Variants in CACNB2 observed in about 807,000 individuals in gnomAD.
CACNB2 encodes voltage-dependent L-type calcium channel subunit beta-2.
Under a neutral mutation model 73.3 loss-of-function variants are expected in CACNB2, and 42 were observed. The observed-to-expected ratio is 0.57, with a 90% confidence interval of 0.45 to 0.74. CACNB2 has a LOEUF of 0.74. Ranked by LOEUF, CACNB2 falls within the 30% of genes least tolerant of loss-of-function variation. The pLI is 0.00. For synonymous variants in CACNB2, 348 were observed against 310.3 expected (o/e 1.12, Z -1.28); for missense variants, 940 against 853.0 (o/e 1.10, Z -1.27).
chr10:18,447,033 C>G (rs1314420770), intron 3 of CACNB2, among the ~76,000 whole-genome samples: 3 of 151,488 alleles, frequency 2.0e-5, no homozygotes, highest in African/African-American at 7.3e-5. Context: ...GTACTCCACC[C>G]TGGGTGACAG....
chr10:18,413,884 A>G (rs1354030749), intron 3 of CACNB2, among the ~76,000 whole-genome samples: 6 of 152,260 alleles, frequency 3.9e-5, no homozygotes, highest in Non-Finnish European at 8.8e-5. Context: ...TGATGGGCAC[A>G]GGCAACTGGG....
rs71507267 is a variant in CACNB2 at position 18,407,109 on chromosome 10, C to CTTTTTTTTTTTTTTTTTTTTTTTTTTT, written c.333+5071_333+5097dup. 4.5e-4 allele frequency among the ~76,000 whole-genome samples: 16 copies of CTTTTTTTTTTTTTTTTTTTTTTTTTTT among 35,614 alleles called. 6 individuals are homozygous for CTTTTTTTTTTTTTTTTTTTTTTTTTTT. The highest frequency in any genetic ancestry group is 1.7e-3 in the East Asian group (2 of 1,152). 23.4% of individuals were successfully genotyped at this position (35,614 alleles called of 152,430 possible). ...CTAAAGTCCAGACCTGCTGTTCTGT[C>CTTTTTTTTTTTTTTTTTTTTTTTTTTT]TTTTTTTTTTTTTTTTTTTTTTTTT... On this transcript the variant is annotated intron_variant, in intron 3 of 13. Coordinates refer to ENST00000324631, the MANE Select transcript of CACNB2 (RefSeq NM_201596.3).
intron 3 of CACNB2, among the ~76,000 whole-genome samples, chr10:18,457,171 G>A (rs1273998785): frequency 3.3e-5 from 5 of 152,160 alleles, no homozygotes; most frequent in African/African-American, 7.2e-5. Context: ...GTTCACTGCA[G>A]GCTCAACCTC....
intron 3 of CACNB2, among the ~76,000 whole-genome samples, chr10:18,450,129 C>G (rs539354255): frequency 6.6e-6 from 1 of 152,296 alleles, no homozygotes; most frequent in East Asian, 1.9e-4. Flanking sequence ...CCAAAACTAT[C>G]CGGTTAATGT....
chr10:18,184,816 G>T lies in CACNB2; in HGVS notation c.213+33841G>T, dbSNP rs72782007. ...GCCATGATGATTCGCTGCACATGTC[G>T]ACCCATCACCTCGGTATTAAGCCCA... On this transcript the variant is annotated intron_variant, in intron 2 of 13. Coordinates refer to ENST00000324631, the MANE Select transcript of CACNB2 (RefSeq NM_201596.3). 3.3e-5 allele frequency among the ~76,000 whole-genome samples: 5 copies of T among 151,984 alleles called. No individual in the cohort carries two copies. The East Asian group carries it at 7.7e-4, about 23-fold the overall frequency.
At chr10:18,381,560 C>T (rs1294447991) in intron 2 of CACNB2, among the ~76,000 whole-genome samples, 1 of 151,802 alleles carries the variant, frequency 6.6e-6, no homozygotes, top group Non-Finnish European at 1.5e-5. Flanking sequence ...TGATGGCGTG[C>T]ACCTGTAGTC....
Position 18,402,224 on chromosome 10 carries a change from G to A in CACNB2, c.333+181G>A, listed in dbSNP as rs3750591. Among the ~76,000 whole-genome samples, 58,049 of 151,906 alleles carry A rather than the reference G, an allele frequency of 0.38. 12,227 individuals are homozygous for A. The highest frequency in any genetic ancestry group is 0.56 in the African/African-American group (23,039 of 41,398). ...TTGGTAGAAAAAGGAAGTGTGGTAT[G>A]TAAGACTGGTCTTCTATGTTGTTTT... On this transcript the variant is annotated intron_variant, in intron 3 of 13. Transcript: ENST00000324631.
chr10:18,246,838 C>T (rs1323783679), intron 2 of CACNB2, among the ~76,000 whole-genome samples: 1 of 152,162 alleles, frequency 6.6e-6, no homozygotes, highest in African/African-American at 2.4e-5. Context: ...TCTCGAACTC[C>T]TGGCCTCAGG....
intron 2 of CACNB2, among the ~76,000 whole-genome samples, chr10:18,391,950 G>A (rs2043494259): frequency 1.4e-5 from 2 of 144,658 alleles, no homozygotes; most frequent in Non-Finnish European, 3.0e-5. Context: ...AAAAAAGAAG[G>A]TAAAAGCACT....
intron 3 of CACNB2, among the ~76,000 whole-genome samples, chr10:18,461,079 G>A (rs549961134): frequency 6.1e-4 from 92 of 152,000 alleles, no homozygotes; most frequent in African/African-American, 2.2e-3. Context: ...ACAGTCATGC[G>A]CCACCACGCC....
chr10:18,206,183 G>C (rs112987877), intron 2 of CACNB2: 5,333 of 152,402 alleles, frequency 0.035, 302 homozygotes, highest in African/African-American at 0.12. Flanking sequence ...GTAGAGACAA[G>C]GTTTCGCTAT....
chr10:18,525,388 G>GT (rs2052371502), intron 9 of CACNB2, among the ~76,000 whole-genome samples: 1 of 151,998 alleles, frequency 6.6e-6, no homozygotes, highest in South Asian at 2.1e-4. Context: ...AAACCTTTCT[G>GT]TTTAATTGCT....
intron 2 of CACNB2, among the ~76,000 whole-genome samples, chr10:18,251,857 G>T (rs2037104477): frequency 6.6e-6 from 1 of 152,070 alleles, no homozygotes; most frequent in African/African-American, 2.4e-5. Context: ...ACAGCAAGGG[G>T]GAAATCTGCC....
intron 2 of CACNB2, among the ~76,000 whole-genome samples, chr10:18,327,867 G>T (rs933830685): frequency 6.6e-6 from 1 of 152,156 alleles, no homozygotes; most frequent in Non-Finnish European, 1.5e-5. Context: ...ACTGAGGGTT[G>T]GGGGGTGTCC....
intron 3 of CACNB2, among the ~76,000 whole-genome samples, chr10:18,464,248 C>T (rs1053334174): frequency 1.3e-5 from 2 of 150,046 alleles, no homozygotes; most frequent in East Asian, 4.0e-4. Flanking sequence ...GGTTCTTTAG[C>T]ACTTAGAACC....
intron 2 of CACNB2, among the ~76,000 whole-genome samples, chr10:18,324,504 A>G (rs2040508728): frequency 6.6e-6 from 1 of 152,262 alleles, no homozygotes; most frequent in Admixed American, 6.5e-5. Context: ...AGTCCATAAT[A>G]TGGAATGCAA....
At chr10:18,277,422 G>T (rs1007870154) in intron 2 of CACNB2, among the ~76,000 whole-genome samples, 1 of 152,164 alleles carries the variant, frequency 6.6e-6, no homozygotes, top group African/African-American at 2.4e-5. Context: ...AGTAAGGCCC[G>T]GCCCCTTGTG....
chr10:18,257,621 C>T (rs2037338613), intron 2 of CACNB2, among the ~76,000 whole-genome samples: 1 of 152,220 alleles, frequency 6.6e-6, no homozygotes, highest in Admixed American at 6.5e-5. Context: ...CCACTGAATG[C>T]AATTCCGTCC....
chr10:18,278,782 G>A (rs562600227), intron 2 of CACNB2, among the ~76,000 whole-genome samples: 13 of 151,984 alleles, frequency 8.6e-5, no homozygotes, highest in Middle Eastern at 3.4e-3. Context: ...TTTGGGGGCC[G>A]AGGCGGGTGG....
Sources: gnomAD v4.1 joint callset for allele counts (sites outside exome capture counted in the v4.1 genomes callset) on GRCh38, gnomAD v4.1.1 for gene constraint, MANE v1.5 for transcripts, NCBI Gene and HGNC (gene_info 2026-07-23, HGNC 2026-07-21) for gene names.